The following FSD1L variants were observed in gnomAD, a reference collection of about 807,000 sequenced individuals.
The protein encoded by FSD1L is FSD1-like protein.
A neutral mutation model predicts 71.6 loss-of-function variants in FSD1L; 45 were observed. The observed-to-expected ratio is 0.63, with a 90% CI of 0.49 to 0.81. The LOEUF (loss-of-function observed/expected upper bound fraction) is 0.81, where lower values mean the gene tolerates loss of function less well. FSD1L is among the 30% of genes least tolerant of loss of function. FSD1L has a pLI of 0.00. For synonymous variants in FSD1L, 197 were observed against 207.2 expected (o/e 0.95, Z 0.42); for missense variants, 561 against 618.1 (o/e 0.91, Z 0.98).
chr9:105,521,578 A>G (rs1425966579), intron 10 of FSD1L: 2 of 1,613,564 alleles, frequency 1.2e-6, no homozygotes, highest in Admixed American at 1.7e-5. Context: ...TGGATCCAAC[A>G]AGAGGAAAAA....
At chr9:105,502,430 G>A (rs532669465) in intron 7 of FSD1L, among the ~76,000 whole-genome samples, 25 of 152,142 alleles carry the variant, frequency 1.6e-4, no homozygotes, top group East Asian at 7.7e-4. Context: ...GAGAATTTAC[G>A]TGTTGATTTA....
intron 10 of FSD1L, chr9:105,513,616 T>C: frequency 6.5e-7 from 1 of 1,533,432 alleles, no homozygotes; most frequent in East Asian, 2.4e-5. Context: ...GTTACTTCAC[T>C]GAAGAAACAT....
intron 6 of FSD1L, among the ~76,000 whole-genome samples, chr9:105,481,372 C>T (rs1286813870): frequency 6.6e-6 from 1 of 150,620 alleles, no homozygotes; most frequent in Non-Finnish European, 1.5e-5. Flanking sequence ...GCAGCCTCTG[C>T]CTCCCGGGTT....
At chr9:105,470,407 T>G (rs1161436931) in intron 4 of FSD1L, among the ~76,000 whole-genome samples, 2 of 152,190 alleles carry the variant, frequency 1.3e-5, no homozygotes, top group African/African-American at 4.8e-5. Flanking sequence ...TCCCTTTATT[T>G]TTGTTGTATA....
At chr9:105,459,864 T>C (rs1264619304) in intron 1 of FSD1L, among the ~76,000 whole-genome samples, 1 of 152,254 alleles carries the variant, frequency 6.6e-6, no homozygotes, top group African/African-American at 2.4e-5. Context: ...ATCTAAAGAT[T>C]GCAGTGCGTC....
At chr9:105,507,611 A>G (rs539492075) in intron 8 of FSD1L, among the ~76,000 whole-genome samples, 4 of 152,306 alleles carry the variant, frequency 2.6e-5, no homozygotes, top group Admixed American at 2.6e-4. Flanking sequence ...GTACTTCAAA[A>G]TGTTTGTTAG....
intron 6 of FSD1L, among the ~76,000 whole-genome samples, chr9:105,480,197 C>G: frequency 6.6e-6 from 1 of 152,098 alleles, no homozygotes; most frequent in East Asian, 1.9e-4. Flanking sequence ...TTAAATTATT[C>G]TTCATCAGAT....
chr9:105,541,421 G>T (rs1451415861), intron 13 of FSD1L, among the ~76,000 whole-genome samples: 2 of 151,588 alleles, frequency 1.3e-5, no homozygotes, highest in African/African-American at 4.8e-5. Context: ...AGACTTAGGT[G>T]TGCTTTTATA....
chr9:105,478,525 A>T (rs1357875288), intron 5 of FSD1L, among the ~76,000 whole-genome samples: 2 of 152,214 alleles, frequency 1.3e-5, no homozygotes, highest in Non-Finnish European at 2.9e-5. Flanking sequence ...TGTACTGGTT[A>T]CTGTGGAGAA....
At position 105,547,329 on chromosome 9, in the gene FSD1L, TAA is replaced by T. The variant is rs1837064027; in HGVS notation, c.*847_*848del. On this transcript the variant is annotated 3_prime_UTR_variant, in exon 14 of 14. Transcript: ENST00000481272. The stretch of plus-strand genomic sequence containing the variant: ...AATTCCCACTTGAATGTGACACTGA[TAA>T]TAATTATGCTGATTTTTAGCATCTC... The T allele has an allele frequency of 6.6e-6, 1 of 152,486 alleles. No individual in the cohort carries two copies. The highest frequency in any genetic ancestry group is 1.5e-5 in the Non-Finnish European group (1 of 67,948). The allele number at this position is 152,486 out of a possible 1,614,324, so 9.4% of individuals were successfully genotyped here. A position where few individuals can be genotyped will look rare whatever the true frequency, so the allele number is the denominator to read the frequency against.
chr9:105,469,733 A>T (rs1403887250), intron 4 of FSD1L, among the ~76,000 whole-genome samples: 1 of 143,846 alleles, frequency 7.0e-6, no homozygotes. Context: ...TTTGTAGGCT[A>T]CTTTTTTACT....
chr9:105,513,537 A>T, intron 10 of FSD1L: 2 of 1,362,924 alleles, frequency 1.5e-6, no homozygotes, highest in Non-Finnish European at 2.0e-6. Context: ...TGATTTCATT[A>T]TAAGCTGTTA....
chr9:105,523,832 A>T (rs1835336794), intron 10 of FSD1L: 2 of 1,598,186 alleles, frequency 1.3e-6, no homozygotes, highest in East Asian at 4.5e-5. Context: ...CAATCATCAA[A>T]CACTGCTCAC....
rs765191517 is a variant in FSD1L, at chr9:105,549,025, A to G, written c.*2542A>G. On this transcript the variant is annotated 3_prime_UTR_variant, in exon 14 of 14. Transcript: ENST00000481272. ...TTGATTATACTATATAATATTCTCA[A>G]TTACATTTGAATTTAAAAATATTGA... is the stretch of plus-strand genomic sequence containing the variant. 8 of 152,070 alleles carry G rather than the reference A, an allele frequency of 5.3e-5. No homozygotes were observed. The highest frequency in any genetic ancestry group is 1.2e-4 in the African/African-American group (5 of 41,428). The allele number at this position is 152,070 out of a possible 1,614,324, so 9.4% of individuals were successfully genotyped here.
intron 5 of FSD1L, 142 bp downstream of exon 5, chr9:105,472,147 G>C: frequency 9.8e-7 from 1 of 1,017,782 alleles, no homozygotes; most frequent in Non-Finnish European, 1.3e-6. Flanking sequence ...TAAAATGCTG[G>C]CTGTTCATTT....
intron 10 of FSD1L, chr9:105,525,198 A>G (rs1835431972): frequency 8.7e-6 from 14 of 1,600,808 alleles, no homozygotes; most frequent in African/African-American, 1.4e-5. Flanking sequence ...GAATGCTTAG[A>G]AGATATAACC....
At chr9:105,535,022 C>T (rs1358371914) in intron 11 of FSD1L, 45 bp from the exon 12 acceptor site, 10 of 1,545,398 alleles carry the variant, frequency 6.5e-6, no homozygotes, top group Non-Finnish European at 8.8e-6. Flanking sequence ...CTGTGTGACT[C>T]ATAAGGAAGA....
At chr9:105,499,718 G>A (rs1320338225) in intron 7 of FSD1L, among the ~76,000 whole-genome samples, 1 of 150,708 alleles carries the variant, frequency 6.6e-6, no homozygotes. Context: ...TCTGTAGTTT[G>A]GTGTCTGATA....
At position 105,550,385 on chromosome 9, in the gene FSD1L, C is replaced by T. The variant is rs1476477419; in HGVS notation, c.*3902C>T. 6.6e-6 allele frequency: 1 copy of T among 151,978 alleles called. No individual in the cohort carries two copies. Among genetic ancestry groups the T allele is most frequent in the Non-Finnish European group, 1.5e-5 (1 of 67,906 alleles). 9.4% of individuals were successfully genotyped at this position (151,978 alleles called of 1,614,324 possible). A position where few individuals can be genotyped will look rare whatever the true frequency, so the allele number is the denominator to read the frequency against. On this transcript the variant is annotated 3_prime_UTR_variant, in exon 14 of 14. Coordinates refer to ENST00000481272, the MANE Select transcript of FSD1L (RefSeq NM_001145313.3). ...GAAGTGTATGGTCAACATATATTTA[C>T]TCAGTATACAGATAACCACAAAGTT...
Sources: gnomAD v4.1 joint callset for allele counts (sites outside exome capture counted in the v4.1 genomes callset) on GRCh38, gnomAD v4.1.1 for gene constraint, MANE v1.5 for transcripts, NCBI Gene and HGNC (gene_info 2026-07-23, HGNC 2026-07-21) for gene names.